ZRANB3: variants seen among roughly 807,000 people sequenced by gnomAD.
ZRANB3 encodes DNA annealing helicase and endonuclease ZRANB3.
A neutral mutation model predicts 133.8 loss-of-function variants in ZRANB3; 125 were observed. The ratio of observed to expected loss-of-function variants is 0.93; its 90% CI spans 0.81 to 1.08. ZRANB3 has a LOEUF of 1.08. ZRANB3 is among the 50% of genes least tolerant of loss of function. ZRANB3 has a pLI of 0.00. For synonymous variants in ZRANB3, 387 were observed against 432.7 expected (o/e 0.89, Z 1.31); for missense variants, 1,229 against 1,275.5 (o/e 0.96, Z 0.56).
At chr2:135,427,188 C>T (rs1227774427) in intron 2 of ZRANB3, among the ~76,000 whole-genome samples, 1 of 151,564 alleles carries the variant, frequency 6.6e-6, no homozygotes, top group Admixed American at 6.6e-5. Context: ...ACTCCTATTC[C>T]ACATAATACT....
intron 4 of ZRANB3, 97 bp from the exon 5 acceptor site, chr2:135,350,312 G>C: frequency 1.2e-6 from 1 of 800,128 alleles, no homozygotes; most frequent in Non-Finnish European, 1.9e-6. Flanking sequence ...GGAGAAGAAA[G>C]AAGAATAGAG....
At chr2:135,400,115 C>T (rs1215322240) in intron 2 of ZRANB3, among the ~76,000 whole-genome samples, 3 of 152,038 alleles carry the variant, frequency 2.0e-5, no homozygotes, top group African/African-American at 7.2e-5. Context: ...AAGCGGGCTC[C>T]TATAATCCCA....
At chr2:135,269,293 C>T (rs541631021) in intron 10 of ZRANB3, among the ~76,000 whole-genome samples, 152 bp from the exon 11 acceptor site, 11 of 151,894 alleles carry the variant, frequency 7.2e-5, no homozygotes, top group African/African-American at 2.4e-4. Flanking sequence ...TCATGAAAGG[C>T]AAATGAAGAA....
chr2:135,366,159 A>C (rs1432408136), intron 3 of ZRANB3, among the ~76,000 whole-genome samples: 1 of 152,224 alleles, frequency 6.6e-6, no homozygotes, highest in Non-Finnish European at 1.5e-5. Context: ...ACCATTAGAA[A>C]GAATTCCAAA....
chr2:135,530,381 G>T (rs1472249583), intron 1 of ZRANB3: 1 of 152,136 alleles, frequency 6.6e-6, no homozygotes, highest in Non-Finnish European at 1.5e-5. Context: ...AGGCCGGGGT[G>T]GAGAAAGTAA....
intron 2 of ZRANB3, among the ~76,000 whole-genome samples, chr2:135,441,281 G>A (rs1689766111): frequency 6.6e-6 from 1 of 152,154 alleles, no homozygotes; most frequent in African/African-American, 2.4e-5. Flanking sequence ...ACTAGGGGCT[G>A]ACTTTTCATC....
intron 3 of ZRANB3, among the ~76,000 whole-genome samples, chr2:135,371,750 G>A (rs1165293194): frequency 6.6e-6 from 1 of 150,720 alleles, no homozygotes; most frequent in Non-Finnish European, 1.5e-5. Context: ...TCCTGTCAAG[G>A]GCTGAATGTT....
chr2:135,216,601 A>AT (rs577194391), intron 17 of ZRANB3, among the ~76,000 whole-genome samples: 4,917 of 140,836 alleles, frequency 0.035, 115 homozygotes, highest in African/African-American at 0.065. Context: ...CACCTGGCTA[A>AT]TTTTTTTTTT....
chr2:135,416,602 A>C (rs1268141045), intron 2 of ZRANB3, among the ~76,000 whole-genome samples: 3 of 151,282 alleles, frequency 2.0e-5, no homozygotes, highest in Admixed American at 6.6e-5. Flanking sequence ...GAATTGGAAA[A>C]AACTACTTTA....
At position 135,402,358 on chromosome 2, in the gene ZRANB3, G is replaced by A. The variant is rs540367439; in HGVS notation, c.162-11538C>T. ...TGCCCGGGCTGCAGTGCAGTGGCAC[G>A]ATCTTGGCTCACTGCAACCTCCGGC... On this transcript the variant is annotated intron_variant, in intron 2 of 20. Transcript: ENST00000264159. 2.5e-4 allele frequency among the ~76,000 whole-genome samples: 37 copies of A among 149,214 alleles called. No homozygotes were observed. The South Asian group carries it at 5.9e-3, about 24-fold the overall frequency.
intron 2 of ZRANB3, among the ~76,000 whole-genome samples, chr2:135,414,316 AAAAC>A (rs1213206935): frequency 1.3e-5 from 2 of 152,182 alleles, no homozygotes; most frequent in African/African-American, 4.8e-5. Flanking sequence ...AGTCTCGGAT[AAAAC>A]AGACTTTAAA....
At chr2:135,518,070 C>T (rs918469719) in intron 1 of ZRANB3, among the ~76,000 whole-genome samples, 37 of 152,124 alleles carry the variant, frequency 2.4e-4, no homozygotes, top group African/African-American at 7.7e-4. Flanking sequence ...AGGGGAAAAC[C>T]GCCTACTCAA....
At chr2:135,522,349 G>C (rs1693982490) in intron 1 of ZRANB3, among the ~76,000 whole-genome samples, 1 of 152,188 alleles carries the variant, frequency 6.6e-6, no homozygotes, top group African/African-American at 2.4e-5. Context: ...CTACGAGCAA[G>C]CCTCCGATGC....
intron 4 of ZRANB3, among the ~76,000 whole-genome samples, chr2:135,351,697 A>G (rs573461584): frequency 6.6e-6 from 1 of 152,288 alleles, no homozygotes; most frequent in East Asian, 1.9e-4. Context: ...CTTCTATCCT[A>G]CCATGTCTTG....
intron 17 of ZRANB3, among the ~76,000 whole-genome samples, chr2:135,213,340 C>CAGTG (rs1694179485): frequency 6.6e-6 from 1 of 152,184 alleles, no homozygotes; most frequent in African/African-American, 2.4e-5. Context: ...ATTGATAGGA[C>CAGTG]AGTGTCTAAC....
At chr2:135,424,594 A>C (rs528118932) in intron 2 of ZRANB3, among the ~76,000 whole-genome samples, 4 of 152,250 alleles carry the variant, frequency 2.6e-5, no homozygotes, top group African/African-American at 9.6e-5. Context: ...TTAGCCGAGC[A>C]TGGTGGAAGG....
intron 15 of ZRANB3, among the ~76,000 whole-genome samples, chr2:135,224,101 A>T (rs1195631248): frequency 6.6e-6 from 1 of 152,234 alleles, no homozygotes; most frequent in East Asian, 1.9e-4. Context: ...CTGGCATACA[A>T]TGTGTAATAA....
intron 2 of ZRANB3, among the ~76,000 whole-genome samples, chr2:135,404,880 G>C (rs1336348734): frequency 6.6e-6 from 1 of 152,146 alleles, no homozygotes; most frequent in African/African-American, 2.4e-5. Context: ...AAAATGTAAA[G>C]ACCATCGAGG....
chr2:135,219,614 A>C (rs1239617610), intron 15 of ZRANB3, among the ~76,000 whole-genome samples: 1 of 152,256 alleles, frequency 6.6e-6, no homozygotes, highest in Non-Finnish European at 1.5e-5. Flanking sequence ...CTGACAATAC[A>C]AGTATCACAT....
Sources: gnomAD v4.1 joint callset for allele counts (sites outside exome capture counted in the v4.1 genomes callset) on GRCh38, gnomAD v4.1.1 for gene constraint, MANE v1.5 for transcripts, NCBI Gene and HGNC (gene_info 2026-07-23, HGNC 2026-07-21) for gene names.